Variants in CCDC171 observed in about 807,000 individuals in gnomAD.
CCDC171 encodes the protein coiled-coil domain-containing protein 171.
In CCDC171, 177 loss-of-function variants were observed where a neutral mutation model predicts 168.2. That is an observed-to-expected ratio of 1.05 (90% CI 0.93 to 1.19). The LOEUF (loss-of-function observed/expected upper bound fraction) is 1.19, where lower values mean the gene tolerates loss of function less well. Among genes scored for constraint, CCDC171 ranks in the 50% most tolerant of loss-of-function variants. The pLI, the probability that CCDC171 is intolerant of heterozygous loss-of-function variation, is 0.00. For missense variants in CCDC171, 1,991 were observed against 1,539.0 expected (o/e 1.29, Z -4.91); for synonymous variants, 687 against 540.8 (o/e 1.27, Z -3.75).
At chr9:15,883,910 T>C (rs1473884828) in intron 24 of CCDC171, among the ~76,000 whole-genome samples, 2 of 152,196 alleles carry the variant, frequency 1.3e-5, no homozygotes, top group Non-Finnish European at 2.9e-5. Flanking sequence ...GAATCAGTAT[T>C]ACAGAAGGTT....
intron 23 of CCDC171, among the ~76,000 whole-genome samples, chr9:15,862,368 T>C (rs1454797380): frequency 6.6e-6 from 1 of 151,844 alleles, no homozygotes; most frequent in Non-Finnish European, 1.5e-5. Context: ...GAATTTTTAG[T>C]TGAGTTATTA....
rs2060371885 is a variant in CCDC171, at chr9:15,834,806, G to C, written c.3268-11896G>C. Among the ~76,000 whole-genome samples the C allele has an allele frequency of 2.6e-5, 4 of 152,194 alleles. No individual in the cohort carries two copies. In the South Asian group the frequency reaches 8.3e-4, roughly 32 times the overall value. ...TGCACTCTACAAGGATTATTGTTAA[G>C]GGCATCTACAAGGAAAATCACTATG... On this transcript the variant is annotated intron_variant, in intron 21 of 25. Coordinates refer to ENST00000380701, the MANE Select transcript of CCDC171 (RefSeq NM_173550.4).
chr9:15,708,369 T>G (rs2052403041), intron 11 of CCDC171, among the ~76,000 whole-genome samples: 3 of 152,172 alleles, frequency 2.0e-5, no homozygotes, highest in Admixed American at 2.0e-4. Flanking sequence ...TCAATAGAAC[T>G]GGAATGAAAG....
chr9:16,054,316 G>T (rs894962941), intron 1 of CCDC171, among the ~76,000 whole-genome samples: 3 of 152,194 alleles, frequency 2.0e-5, no homozygotes, highest in Non-Finnish European at 4.4e-5. Flanking sequence ...TGTGACAGAG[G>T]CTGTCATTCG....
the CCDC171 span, among the ~76,000 whole-genome samples, chr9:16,068,947 G>T: frequency 6.6e-6 from 1 of 152,144 alleles, no homozygotes; most frequent in Non-Finnish European, 1.5e-5. Context: ...CTCCAAAAAG[G>T]TCTGGCAGAA....
intron 23 of CCDC171, among the ~76,000 whole-genome samples, chr9:15,870,952 A>T (rs955310609): frequency 2.6e-5 from 4 of 151,374 alleles, no homozygotes; most frequent in African/African-American, 9.7e-5. Flanking sequence ...AAATATATTT[A>T]TCTTGAAATA....
intron 3 of CCDC171, among the ~76,000 whole-genome samples, chr9:15,990,672 AG>A (rs1307622888): frequency 6.6e-6 from 1 of 152,224 alleles, no homozygotes; most frequent in African/African-American, 2.4e-5. Flanking sequence ...TGCTGTATTC[AG>A]GACACCCATC....
chr9:15,587,537 GGT>G (rs2131380609), intron 4 of CCDC171: 1 of 430,630 alleles, frequency 2.3e-6, no homozygotes, highest in South Asian at 1.7e-5. Context: ...CCCAGTCTCA[GGT>G]ATGTCTTTAT....
chr9:16,020,754 G>A (rs371971667), exon 4 of CCDC171: 2 of 154,464 alleles, frequency 1.3e-5, no homozygotes, highest in East Asian at 3.9e-4. Flanking sequence ...CAGGTGGGAT[G>A]GTGCCGGATA....
the CCDC171 span, among the ~76,000 whole-genome samples, chr9:16,092,573 C>A: frequency 2.0e-5 from 3 of 152,176 alleles, no homozygotes; most frequent in East Asian, 5.8e-4. Context: ...TGTCATAGCA[C>A]TTTACAACTA....
At chr9:16,043,886 G>A (rs981793144) in intron 1 of CCDC171, among the ~76,000 whole-genome samples, 14 of 152,234 alleles carry the variant, frequency 9.2e-5, no homozygotes, top group African/African-American at 3.4e-4. Flanking sequence ...TGGCATCACA[G>A]ATACGTCCAT....
Position 15,579,053 on chromosome 9 carries a change from T to G in CCDC171, c.352+30T>G, listed in dbSNP as rs76140151. On this transcript the variant is annotated intron_variant, in intron 4 of 25. Coordinates refer to ENST00000380701, the MANE Select transcript of CCDC171 (RefSeq NM_173550.4). ...GACTGTTTCTATTTCTTCCCAAGTT[T>G]AGGGTTGTAACCTGATTGTATATCA... is the stretch of plus-strand genomic sequence containing the variant. 1,456 of 1,589,632 alleles carry G rather than the reference T, an allele frequency of 9.2e-4. 13 individuals carry two copies. The African/African-American group carries it at 0.018, about 20-fold the overall frequency.
At chr9:15,814,132 T>C (rs184443456) in intron 21 of CCDC171, among the ~76,000 whole-genome samples, 4 of 152,332 alleles carry the variant, frequency 2.6e-5, no homozygotes, top group Admixed American at 6.5e-5. Flanking sequence ...TAGAGAAATA[T>C]TGGAAAACAA....
At chr9:15,772,790 G>A (rs1028215731) in intron 18 of CCDC171, among the ~76,000 whole-genome samples, 4 of 152,128 alleles carry the variant, frequency 2.6e-5, no homozygotes, top group African/African-American at 9.7e-5. Context: ...TGAAGAGCGG[G>A]AAGACTAGAG....
chr9:16,106,021 G>T, the CCDC171 span, among the ~76,000 whole-genome samples: 2 of 152,136 alleles, frequency 1.3e-5, no homozygotes, highest in Non-Finnish European at 2.9e-5. Context: ...CTTTGGCTTG[G>T]TCCAACGTGG....
At chr9:15,735,569 C>T (rs1443858197) in intron 16 of CCDC171, among the ~76,000 whole-genome samples, 1 of 152,140 alleles carries the variant, frequency 6.6e-6, no homozygotes, top group Non-Finnish European at 1.5e-5. Context: ...GATTCAGGTT[C>T]ATCATGCTAT....
intron 24 of CCDC171, among the ~76,000 whole-genome samples, chr9:15,911,808 C>G (rs973605622): frequency 2.2e-4 from 33 of 152,228 alleles, no homozygotes; most frequent in African/African-American, 6.3e-4. Context: ...ATAGGGAATC[C>G]TTTCCCCATT....
At chr9:15,968,103 A>G (rs1237826941) in intron 25 of CCDC171, among the ~76,000 whole-genome samples, 1 of 152,192 alleles carries the variant, frequency 6.6e-6, no homozygotes, top group Non-Finnish European at 1.5e-5. Flanking sequence ...TGTATTGTGA[A>G]TATGTATTTA....
chr9:15,671,907 A>G (rs916205202), intron 9 of CCDC171, among the ~76,000 whole-genome samples: 1 of 152,316 alleles, frequency 6.6e-6, no homozygotes, highest in Non-Finnish European at 1.5e-5. Flanking sequence ...TTCTAGTTCT[A>G]GATCCTTGAG....
Sources: allele counts gnomAD v4.1 joint callset (sites outside exome capture counted in the v4.1 genomes callset), GRCh38; gene constraint gnomAD v4.1.1; transcripts MANE v1.5; gene names NCBI Gene and HGNC (gene_info 2026-07-23, HGNC 2026-07-21).